Variants in IGF1R observed in about 807,000 individuals in gnomAD.
IGF1R encodes insulin-like growth factor 1 receptor.
IGF1R carries 44 observed loss-of-function variants against 144.6 expected under a neutral mutation model. The ratio of observed to expected loss-of-function variants is 0.30; its 90% CI spans 0.24 to 0.39. The LOEUF is 0.39. Ranked by LOEUF, IGF1R falls within the 10% of genes least tolerant of loss-of-function variation. The pLI is 1.00. For missense variants in IGF1R, 1,355 were observed against 1,833.7 expected, an observed-to-expected ratio of 0.74 and a Z score of 4.77; for synonymous variants, 795 against 722.8, an observed-to-expected ratio of 1.10 and a Z score of -1.60.
At chr15:98,817,389 A>G (rs2141470812) in intron 2 of IGF1R, among the ~76,000 whole-genome samples, 1 of 152,174 alleles carries the variant, frequency 6.6e-6, no homozygotes, top group Non-Finnish European at 1.5e-5. Context: ...AAAGAGAATA[A>G]TAAGCTAGTG....
intron 10 of IGF1R, among the ~76,000 whole-genome samples, chr15:98,921,586 C>T (rs369742563): frequency 6.6e-6 from 1 of 151,824 alleles, no homozygotes; most frequent in East Asian, 1.9e-4. Context: ...AGCAGGAGCC[C>T]CCAAGAAGAG....
In IGF1R at chr15:98,962,470, G is replaced by A. The variant is rs549853676; in HGVS notation, c.*5028G>A. The A allele has an allele frequency of 4.3e-6, 1 of 233,794 alleles. No individual in the cohort carries two copies. The highest frequency in any genetic ancestry group is 8.5e-6 in the Non-Finnish European group (1 of 118,074). The allele number at this position is 233,794 out of a possible 1,614,324, so 14.5% of individuals were successfully genotyped here. On this transcript the variant is annotated 3_prime_UTR_variant, in exon 21 of 21. Coordinates refer to ENST00000650285, the MANE Select transcript of IGF1R (RefSeq NM_000875.5). ...CTGAAGTAGCTGGTGGTACAAATGA[G>A]AACTTCAAGAGAGGATGTTATTTAG...
intron 5 of IGF1R, among the ~76,000 whole-genome samples, chr15:98,905,681 A>C (rs888383792): frequency 1.3e-4 from 20 of 152,128 alleles, no homozygotes; most frequent in South Asian, 2.1e-4. Flanking sequence ...AAAAAAAAAA[A>C]AAACCTAATT....
chr15:98,819,203 C>T (rs1435063180), intron 2 of IGF1R, among the ~76,000 whole-genome samples: 6 of 152,122 alleles, frequency 3.9e-5, no homozygotes, highest in Non-Finnish European at 8.8e-5. Context: ...ACATTTGGCA[C>T]TCATCTACTT....
At chr15:98,821,626 A>T (rs1300912581) in intron 2 of IGF1R, among the ~76,000 whole-genome samples, 1 of 152,216 alleles carries the variant, frequency 6.6e-6, no homozygotes, top group African/African-American at 2.4e-5. Flanking sequence ...TCTTCCATAG[A>T]TGATGAAACC....
At chr15:98,954,325 G>T (rs1457580640) in intron 20 of IGF1R, 1 of 152,084 alleles carries the variant, frequency 6.6e-6, no homozygotes, top group Non-Finnish European at 1.5e-5. Flanking sequence ...GAGAAGGGCT[G>T]GGTATGTGTC....
chr15:98,693,271 G>C (rs764045259), intron 1 of IGF1R, among the ~76,000 whole-genome samples: 1 of 152,218 alleles, frequency 6.6e-6, no homozygotes, highest in Non-Finnish European at 1.5e-5. Flanking sequence ...GGGCAGGGGA[G>C]CGTTTGCTTT....
rs565645825 is a variant in IGF1R at position 98,703,384 on chromosome 15, C to T, written c.95-4178C>T. Among the ~76,000 whole-genome samples, 27 of 152,304 alleles carry T rather than the reference C, an allele frequency of 1.8e-4. No homozygotes were observed. The South Asian group carries it at 5.4e-3, about 30-fold the overall frequency. ...TGGCACCAGTGGAGCATATTTTCTT[C>T]TCTTTCCTGTTTGTGGCTTGCGCCT... is the stretch of plus-strand genomic sequence containing the variant. On this transcript the variant is annotated intron_variant, in intron 1 of 20. Transcript: ENST00000650285.
At chr15:98,925,066 G>A (rs1197954344) in intron 13 of IGF1R, among the ~76,000 whole-genome samples, 1 of 151,842 alleles carries the variant, frequency 6.6e-6, no homozygotes. Flanking sequence ...TACTTGGTCA[G>A]TAAAGCTAGA....
chr15:98,834,166 A>G (rs537246411), intron 2 of IGF1R, among the ~76,000 whole-genome samples: 1 of 152,358 alleles, frequency 6.6e-6, no homozygotes, highest in East Asian at 1.9e-4. Flanking sequence ...TTACAGCTTG[A>G]ACTTTGCCTA....
At chr15:98,828,764 G>A (rs2056945444) in intron 2 of IGF1R, among the ~76,000 whole-genome samples, 1 of 145,970 alleles carries the variant, frequency 6.9e-6, no homozygotes, top group African/African-American at 2.5e-5. Context: ...TAATATATTT[G>A]CTGAGCATGG....
intron 13 of IGF1R, among the ~76,000 whole-genome samples, chr15:98,927,354 T>C (rs943734341): frequency 6.6e-6 from 1 of 152,374 alleles, no homozygotes; most frequent in South Asian, 2.1e-4. Context: ...TTTTAGGAAC[T>C]CCTTGTGTGC....
rs149320964 is a variant in IGF1R at position 98,897,942 on chromosome 15, G to C, written c.1102+1037G>C. Among the ~76,000 whole-genome samples the C allele has an allele frequency of 1.4e-4, 21 of 147,394 alleles. No individual in the cohort carries two copies. In the East Asian group the frequency reaches 4.0e-3, roughly 28 times the overall value. On this transcript the variant is annotated intron_variant, in intron 4 of 20. Coordinates refer to ENST00000650285, the MANE Select transcript of IGF1R (RefSeq NM_000875.5). ...TGAAGAATTTTTTTTTTTTTTTACA[G>C]TTTGAGAGGAAAAATAATGTATTTT...
chr15:98,892,063 T>A (rs1471915897), intron 3 of IGF1R, among the ~76,000 whole-genome samples: 1 of 152,144 alleles, frequency 6.6e-6, no homozygotes, highest in Admixed American at 6.5e-5. Context: ...ACCACCATCC[T>A]TGAGACCAGC....
rs1596476178 is a variant in IGF1R, at chr15:98,943,017, C to G, written c.3552C>G (p.Leu1184=). 1.9e-6 allele frequency: 3 copies of G among 1,614,178 alleles called. No individual in the cohort carries two copies. Among genetic ancestry groups the G allele is most frequent in the Non-Finnish European group, 1.7e-6 (2 of 1,180,000 alleles). The change falls in exon 19 of 21, where the codon CTC becomes CTG. Residue 1184 remains leucine, a synonymous_variant. Coordinates refer to ENST00000650285, the MANE Select transcript of IGF1R (RefSeq NM_000875.5). ...LPVRWMSPES[L]KDGVFTTYSD... ...TGCGCTGGATGTCTCCTGAGTCCCT[C>G]AAGGATGGAGTCTTCACCACTTACT... is the stretch of plus-strand genomic sequence containing the variant.
chr15:98,667,747 G>A (rs985575738), intron 1 of IGF1R, among the ~76,000 whole-genome samples: 27 of 152,154 alleles, frequency 1.8e-4, no homozygotes, highest in African/African-American at 6.5e-4. Flanking sequence ...AGACCAATGG[G>A]AGGAAGCCTG....
intron 2 of IGF1R, among the ~76,000 whole-genome samples, chr15:98,773,030 C>G (rs763013944): frequency 3.9e-5 from 6 of 152,150 alleles, no homozygotes; most frequent in Non-Finnish European, 8.8e-5. Context: ...GCATGCCTCT[C>G]TTGAGTTAAC....
chr15:98,927,781 TTAAAG>T (rs2151699067), intron 13 of IGF1R, among the ~76,000 whole-genome samples: 1 of 152,328 alleles, frequency 6.6e-6, no homozygotes, highest in African/African-American at 2.4e-5. Context: ...GTAGTAGTCT[TTAAAG>T]AGTAACCATG....
intron 2 of IGF1R, among the ~76,000 whole-genome samples, chr15:98,755,476 C>T (rs1335434577): frequency 6.6e-6 from 1 of 151,964 alleles, no homozygotes; most frequent in South Asian, 2.1e-4. Flanking sequence ...CATGGTGGCT[C>T]ATGCCTGTAA....
Sources: allele counts gnomAD v4.1 joint callset (sites outside exome capture counted in the v4.1 genomes callset), GRCh38; gene constraint gnomAD v4.1.1; transcripts MANE v1.5; gene names NCBI Gene and HGNC (gene_info 2026-07-23, HGNC 2026-07-21).